PEX13: variants seen among roughly 807,000 people sequenced by gnomAD.
PEX13 encodes the protein peroxisomal biogenesis factor 13.
PEX13 carries 28 observed loss-of-function variants against 34.5 expected under a neutral mutation model. The ratio of observed to expected loss-of-function variants is 0.81; its 90% CI spans 0.60 to 1.11. The LOEUF is 1.11. PEX13 is among the 50% of genes most tolerant of loss of function. The pLI is 0.00. For missense variants in PEX13, 550 were observed against 491.0 expected, an observed-to-expected ratio of 1.12 and a Z score of -1.13; for synonymous variants, 177 against 175.1, an observed-to-expected ratio of 1.01 and a Z score of -0.09.
intron 1 of PEX13, 31 bp from the exon 2 acceptor site, chr2:61,031,388 A>G (rs2104803090): frequency 6.6e-7 from 1 of 1,517,042 alleles, no homozygotes; most frequent in East Asian, 2.3e-5. Context: ...TGTATGCTTA[A>G]ATAACTGTTT....
At chr2:61,039,055 T>G (rs982511316) in intron 2 of PEX13, among the ~76,000 whole-genome samples, 2 of 152,078 alleles carry the variant, frequency 1.3e-5, no homozygotes, top group Non-Finnish European at 2.9e-5. Flanking sequence ...AAGGACCTCT[T>G]CAAGGAGAAC....
intron 1 of PEX13, among the ~76,000 whole-genome samples, chr2:61,025,677 A>G (rs552416781): frequency 1.3e-5 from 2 of 152,190 alleles, no homozygotes; most frequent in African/African-American, 2.4e-5. Context: ...TTATTTTTTA[A>G]TGAGAGCTGC....
At chr2:61,036,073 GATT>G (rs1680529866) in intron 2 of PEX13, among the ~76,000 whole-genome samples, 1 of 151,456 alleles carries the variant, frequency 6.6e-6, no homozygotes. Flanking sequence ...AAGAATACAA[GATT>G]AGAGAAAAAA....
At chr2:61,031,271 A>G in intron 1 of PEX13, 148 bp from the exon 2 acceptor site, 1 of 708,984 alleles carries the variant, frequency 1.4e-6, no homozygotes, top group Admixed American at 2.1e-5. Context: ...CAGCTTGGGC[A>G]ACAGAGTGAG....
chr2:61,021,483 G>C (rs1680262131), intron 1 of PEX13, among the ~76,000 whole-genome samples: 1 of 152,166 alleles, frequency 6.6e-6, no homozygotes, highest in Admixed American at 6.5e-5. Flanking sequence ...ATCCACCATT[G>C]CTGAGGCTTG....
At chr2:61,045,673 T>C (rs781270156) in intron 2 of PEX13, 53 bp from the exon 3 acceptor site, 31 of 1,551,086 alleles carry the variant, frequency 2.0e-5, no homozygotes, top group Non-Finnish European at 2.6e-5. Flanking sequence ...CAGTGAAATA[T>C]CTGCATTTTT....
At position 61,049,611 on chromosome 2, in the gene PEX13, G is replaced by A. The variant is rs992618825; in HGVS notation, c.*841G>A. Reference sequence around the variant, plus strand: ...CAACATGGAGAAACCCCATCTTTACGAAAAATACAAAATTAGCTAGGTGTG... The same window carrying A: ...CAACATGGAGAAACCCCATCTTTACAAAAAATACAAAATTAGCTAGGTGTG... On this transcript the variant is annotated 3_prime_UTR_variant, in exon 4 of 4. Transcript: ENST00000295030. The A allele has an allele frequency of 1.3e-5, 2 of 151,922 alleles. No individual in the cohort carries two copies. Among genetic ancestry groups the A allele is most frequent in the South Asian group, 2.1e-4 (1 of 4,806 alleles). 9.4% of individuals were successfully genotyped at this position (151,922 alleles called of 1,614,324 possible).
At chr2:61,025,567 C>A (rs1046043112) in intron 1 of PEX13, among the ~76,000 whole-genome samples, 1 of 152,116 alleles carries the variant, frequency 6.6e-6, no homozygotes, top group Non-Finnish European at 1.5e-5. Context: ...CCATGCTGGA[C>A]AGGCTGGTCT....
intron 2 of PEX13, among the ~76,000 whole-genome samples, chr2:61,035,000 G>A (rs929317762): frequency 7.2e-5 from 11 of 152,210 alleles, no homozygotes; most frequent in East Asian, 3.8e-4. Context: ...CTCCAAGAAT[G>A]CAGACTGCTT....
intron 2 of PEX13, among the ~76,000 whole-genome samples, chr2:61,034,766 T>C (rs1325113671): frequency 6.6e-6 from 1 of 152,204 alleles, no homozygotes; most frequent in Non-Finnish European, 1.5e-5. Flanking sequence ...GGCCAGCATC[T>C]GCCATTGCTG....
intron 2 of PEX13, among the ~76,000 whole-genome samples, chr2:61,042,446 G>GTGTCATAT (rs1680640138): frequency 6.6e-6 from 1 of 151,868 alleles, no homozygotes. Context: ...TGTACTTTGA[G>GTGTCATAT]TGTCATATTT....
intron 2 of PEX13, 61 bp from the exon 3 acceptor site, chr2:61,045,665 G>C: frequency 6.6e-7 from 1 of 1,508,462 alleles, no homozygotes; most frequent in Non-Finnish European, 9.2e-7. Context: ...GCCATAGCCA[G>C]TGAAATATCT....
At position 61,051,641 on chromosome 2, in the gene PEX13, C is replaced by G. The variant is rs1048520331; in HGVS notation, c.*2871C>G. ...AAGGCTCCAATATTATTTTTAGGAA[C>G]TTATTTAAGGAGTGCTACTTTACAG... On this transcript the variant is annotated 3_prime_UTR_variant, in exon 4 of 4. Coordinates refer to ENST00000295030, the MANE Select transcript of PEX13 (RefSeq NM_002618.4). The G allele has an allele frequency of 2.6e-5, 4 of 152,124 alleles. No individual in the cohort carries two copies. Among genetic ancestry groups the G allele is most frequent in the Non-Finnish European group, 4.4e-5 (3 of 68,002 alleles). 9.4% of individuals were successfully genotyped at this position (152,124 alleles called of 1,614,324 possible).
At chr2:61,019,416 G>C (rs1680204136) in intron 1 of PEX13, among the ~76,000 whole-genome samples, 2 of 151,860 alleles carry the variant, frequency 1.3e-5, no homozygotes, top group Admixed American at 6.6e-5. Flanking sequence ...TTTTTGTACA[G>C]ATGTTTTTGA....
Position 61,031,487 on chromosome 2 carries a change from C to A in PEX13, c.161C>A (p.Pro54His). ...CCAGCACTTACCAGAGTGCCCCCAC[C>A]TATTCTTCCAAGGCCATCACAGCAG... ...GQPALTRVPP[P>H]ILPRPSQQTG... The change falls in exon 2 of 4, where the codon CCT (proline) becomes CAT (histidine). Residue 54 changes from proline (P) to histidine (H), a missense_variant. Transcript: ENST00000295030. 1 of 1,614,186 alleles carries A rather than the reference C, an allele frequency of 6.2e-7. No individual in the cohort carries two copies. Among genetic ancestry groups the A allele is most frequent in the Non-Finnish European group, 8.5e-7 (1 of 1,180,024 alleles).
chr2:61,021,205 C>T (rs1191905582), intron 1 of PEX13, among the ~76,000 whole-genome samples: 3 of 152,098 alleles, frequency 2.0e-5, no homozygotes, highest in African/African-American at 4.8e-5. Context: ...TGAGCCAAAT[C>T]GAGGCGGGGC....
chr2:61,045,042 A>T (rs1041548417), intron 2 of PEX13, among the ~76,000 whole-genome samples: 14 of 152,218 alleles, frequency 9.2e-5, no homozygotes, highest in African/African-American at 3.1e-4. Context: ...ATGTAATAAC[A>T]TGGTAAAAGG....
intron 1 of PEX13, among the ~76,000 whole-genome samples, chr2:61,022,600 G>C (rs1680283113): frequency 6.6e-6 from 1 of 152,186 alleles, no homozygotes; most frequent in Non-Finnish European, 1.5e-5. Context: ...CAGTTGGAGT[G>C]GTTCACATTT....
intron 1 of PEX13, among the ~76,000 whole-genome samples, chr2:61,019,991 G>A (rs935753678): frequency 6.6e-6 from 1 of 152,084 alleles, no homozygotes; most frequent in Non-Finnish European, 1.5e-5. Flanking sequence ...TTGGGAGACT[G>A]GGCGGGCAGA....
Sources: gnomAD v4.1 joint callset for allele counts (sites outside exome capture counted in the v4.1 genomes callset) on GRCh38, gnomAD v4.1.1 for gene constraint, MANE v1.5 for transcripts, NCBI Gene and HGNC (gene_info 2026-07-23, HGNC 2026-07-21) for gene names.